SAMD3: variants seen among roughly 807,000 people sequenced by gnomAD.
SAMD3 encodes the protein sterile alpha motif domain-containing protein 3.
Under a neutral mutation model 58.5 loss-of-function variants are expected in SAMD3, and 63 were observed. That is an observed-to-expected ratio of 1.08 (90% CI 0.88 to 1.33). SAMD3 has a LOEUF of 1.33. Ranked by LOEUF, SAMD3 falls within the 40% of genes most tolerant of loss-of-function variation. SAMD3 has a pLI of 0.00. For synonymous variants in SAMD3, 220 were observed against 210.3 expected (o/e 1.05, Z -0.40); for missense variants, 604 against 608.4 (o/e 0.99, Z 0.08).
chr6:130,149,986 C>T (rs1788996827), intron 9 of SAMD3, among the ~76,000 whole-genome samples: 1 of 152,180 alleles, frequency 6.6e-6, no homozygotes, highest in Non-Finnish European at 1.5e-5. Flanking sequence ...AATCTATCTG[C>T]AGATTCACAG....
chr6:130,188,516 C>G (rs537072480), intron 5 of SAMD3, among the ~76,000 whole-genome samples: 13 of 152,264 alleles, frequency 8.5e-5, no homozygotes, highest in African/African-American at 3.1e-4. Context: ...TTCACTGGTC[C>G]GTGATTGCAT....
rs1008690051 is a variant in SAMD3, at chr6:130,195,032, G to A, written c.384-10409C>T. Among the ~76,000 whole-genome samples, 27 of 152,234 alleles carry A rather than the reference G, an allele frequency of 1.8e-4. No homozygotes were observed. In the Middle Eastern group the frequency reaches 0.01, roughly 58 times the overall value. On this transcript the variant is annotated intron_variant, in intron 5 of 11. Transcript: ENST00000439090. ...CCTCTTAAAACCCCCCAACTCTGGT[G>A]CCAACTTAGACAATACTCTTTTAAG...
chr6:130,255,748 C>A (rs1488365419), intron 2 of SAMD3, among the ~76,000 whole-genome samples: 2 of 152,078 alleles, frequency 1.3e-5, no homozygotes, highest in African/African-American at 4.8e-5. Flanking sequence ...CCCACCTCAG[C>A]CTCCCAAAGT....
chr6:130,252,291 G>T (rs1409704359), intron 2 of SAMD3, among the ~76,000 whole-genome samples: 1 of 151,924 alleles, frequency 6.6e-6, no homozygotes, highest in Non-Finnish European at 1.5e-5. Flanking sequence ...TTTGCATTTT[G>T]GATCTAAAGT....
intron 8 of SAMD3, among the ~76,000 whole-genome samples, chr6:130,174,610 G>A (rs765924416): frequency 6.6e-6 from 1 of 152,052 alleles, no homozygotes; most frequent in Non-Finnish European, 1.5e-5. Flanking sequence ...GTTCCTATTC[G>A]GCCATCTTGG....
At chr6:130,280,344 T>C (rs1274074992) in intron 2 of SAMD3, among the ~76,000 whole-genome samples, 1 of 152,218 alleles carries the variant, frequency 6.6e-6, no homozygotes, top group Non-Finnish European at 1.5e-5. Flanking sequence ...GACATACCTC[T>C]TACCCTTCTC....
intron 5 of SAMD3, among the ~76,000 whole-genome samples, chr6:130,192,057 G>C (rs1793596275): frequency 6.6e-6 from 1 of 152,104 alleles, no homozygotes; most frequent in Non-Finnish European, 1.5e-5. Flanking sequence ...CATGCATGTG[G>C]TTCTCCTCAT....
intron 1 of SAMD3, among the ~76,000 whole-genome samples, chr6:130,357,233 T>C (rs1389276598): frequency 6.7e-6 from 1 of 149,490 alleles, no homozygotes; most frequent in East Asian, 2.0e-4. Context: ...CACGCCATTC[T>C]CCTGCCTCAG....
chr6:130,203,205 C>T (rs1452136148), intron 5 of SAMD3, among the ~76,000 whole-genome samples: 1 of 152,168 alleles, frequency 6.6e-6, no homozygotes, highest in Non-Finnish European at 1.5e-5. Context: ...TCTCCTTGGA[C>T]TCTGTGTCTT....
At chr6:130,209,474 T>C in intron 5 of SAMD3, 21 bp downstream of exon 5, 2 of 1,309,982 alleles carry the variant, frequency 1.5e-6, no homozygotes, top group South Asian at 2.4e-5. Context: ...CTTTAAACTG[T>C]CTTAAAGTTG....
At chr6:130,292,113 T>A (rs1183963440) in intron 2 of SAMD3, among the ~76,000 whole-genome samples, 1 of 152,166 alleles carries the variant, frequency 6.6e-6, no homozygotes, top group Non-Finnish European at 1.5e-5. Flanking sequence ...GATGAAGAGC[T>A]GGCCACCAAG....
chr6:130,309,825 TA>T (rs1776080413), intron 2 of SAMD3, among the ~76,000 whole-genome samples: 1 of 152,146 alleles, frequency 6.6e-6, no homozygotes, highest in South Asian at 2.1e-4. Flanking sequence ...CATTGGGAGG[TA>T]AAAGCTCCCT....
chr6:130,329,197 C>G (rs1776850571), intron 1 of SAMD3, among the ~76,000 whole-genome samples: 1 of 150,500 alleles, frequency 6.6e-6, no homozygotes, highest in South Asian at 2.1e-4. Flanking sequence ...GGTATGGTGG[C>G]TACCATCATT....
intron 1 of SAMD3, among the ~76,000 whole-genome samples, chr6:130,362,186 C>G (rs1778007939): frequency 6.6e-6 from 1 of 152,174 alleles, no homozygotes; most frequent in Non-Finnish European, 1.5e-5. Context: ...TGCCCTAGTG[C>G]AGTGCTTTTC....
intron 2 of SAMD3, among the ~76,000 whole-genome samples, chr6:130,248,454 G>A (rs1366917665): frequency 1.3e-5 from 2 of 152,054 alleles, no homozygotes; most frequent in Non-Finnish European, 2.9e-5. Context: ...AAAATGTGCA[G>A]AAACAAAATC....
chr6:130,334,167 A>G (rs868525725), intron 1 of SAMD3, among the ~76,000 whole-genome samples: 3 of 152,150 alleles, frequency 2.0e-5, no homozygotes, highest in Admixed American at 1.3e-4. Flanking sequence ...TCTGCTGTCC[A>G]TCCTGCCACA....
chr6:130,248,820 T>C (rs1385125827), intron 2 of SAMD3, among the ~76,000 whole-genome samples: 1 of 152,182 alleles, frequency 6.6e-6, no homozygotes. Context: ...TTGGCTAAGA[T>C]GCCACCTAGA....
intron 2 of SAMD3, among the ~76,000 whole-genome samples, chr6:130,264,631 G>C (rs533733401): frequency 6.6e-6 from 1 of 152,146 alleles, no homozygotes; most frequent in African/African-American, 2.4e-5. Flanking sequence ...GATGCAATTG[G>C]AGCCCTGCAA....
chr6:130,192,484 T>C (rs1414298119), intron 5 of SAMD3, among the ~76,000 whole-genome samples: 1 of 152,152 alleles, frequency 6.6e-6, no homozygotes, highest in Non-Finnish European at 1.5e-5. Context: ...TCCTGGCTCA[T>C]CCTGGCTCAA....
Sources: gnomAD v4.1 joint callset for allele counts (sites outside exome capture counted in the v4.1 genomes callset) on GRCh38, gnomAD v4.1.1 for gene constraint, MANE v1.5 for transcripts, NCBI Gene and HGNC (gene_info 2026-07-23, HGNC 2026-07-21) for gene names.